Variants in DKK3 observed in about 807,000 individuals in gnomAD.
DKK3 encodes dickkopf-related protein 3.
Under a neutral mutation model 33.2 loss-of-function variants are expected in DKK3, and 22 were observed. That is an observed-to-expected ratio of 0.66 (90% CI 0.47 to 0.95). DKK3 has a LOEUF of 0.95. Among genes scored for constraint, DKK3 ranks in the 40% least tolerant of loss-of-function variants. The pLI is 0.00. For synonymous variants in DKK3, 194 were observed against 188.8 expected, an observed-to-expected ratio of 1.03 and a Z score of -0.23; for missense variants, 398 against 458.4, an observed-to-expected ratio of 0.87 and a Z score of 1.20.
At chr11:11,982,213 G>T (rs76731316) in intron 3 of DKK3, among the ~76,000 whole-genome samples, 1 of 152,134 alleles carries the variant, frequency 6.6e-6, no homozygotes, top group Admixed American at 6.6e-5. Context: ...TGTCAGGGGC[G>T]TGGGGACAGT....
At chr11:11,994,155 C>T (rs1272681945) in intron 3 of DKK3, among the ~76,000 whole-genome samples, 2 of 152,102 alleles carry the variant, frequency 1.3e-5, no homozygotes, top group South Asian at 2.1e-4. Flanking sequence ...TTTCGCATCT[C>T]CCCCCAGTCT....
intron 3 of DKK3, among the ~76,000 whole-genome samples, chr11:11,984,344 C>G (rs1590526144): frequency 6.6e-6 from 1 of 152,316 alleles, no homozygotes; most frequent in African/African-American, 2.4e-5. Flanking sequence ...CTCTTCATCT[C>G]TAAGTGCTGA....
At chr11:11,982,279 TA>T (rs1332493235) in intron 3 of DKK3, among the ~76,000 whole-genome samples, 1 of 107,384 alleles carries the variant, frequency 9.3e-6, no homozygotes, top group Non-Finnish European at 2.2e-5. Context: ...CAAGCCCTCC[TA>T]GGGGAGATGA....
At chr11:11,997,557 A>G in intron 3 of DKK3, among the ~76,000 whole-genome samples, 1 of 152,018 alleles carries the variant, frequency 6.6e-6, no homozygotes, top group East Asian at 1.9e-4. Flanking sequence ...TTGTTACCTC[A>G]CTTGAAGATG....
chr11:11,993,227 C>A (rs1326631501), intron 3 of DKK3, among the ~76,000 whole-genome samples: 1 of 152,150 alleles, frequency 6.6e-6, no homozygotes, highest in African/African-American at 2.4e-5. Context: ...AGGGTCTCTG[C>A]AAGCTTAAAA....
chr11:11,966,218 C>T lies in DKK3; in HGVS notation c.674-253G>A, dbSNP rs147849020. On this transcript the variant is annotated intron_variant, in intron 5 of 6. Coordinates refer to ENST00000683431, the MANE Select transcript of DKK3 (RefSeq NM_001018057.2). ...TGCTGGATTTTGAGGGCCAGAAAGT[C>T]TGGAGAAATTAAGAGGGAGGCAAAG... Among the ~76,000 whole-genome samples, 16 of 152,248 alleles carry T rather than the reference C, an allele frequency of 1.1e-4. 1 individual carries two copies. Among genetic ancestry groups the T allele is most frequent in the Middle Eastern group, 3.4e-3 (1 of 294 alleles).
rs573566637 is a variant in DKK3, at chr11:11,991,303, A to G, written c.435+7393T>C. Among the ~76,000 whole-genome samples, 150 of 152,284 alleles carry G rather than the reference A, an allele frequency of 9.9e-4. 1 individual carries two copies. The highest frequency in any genetic ancestry group is 3.5e-3 in the African/African-American group (145 of 41,550). ...TGGATATTTGTCCTCTTTAAATCTC[A>G]TGTTGAAATTTGATCTCTAGTGTTG... On this transcript the variant is annotated intron_variant, in intron 3 of 6. Coordinates refer to ENST00000683431, the MANE Select transcript of DKK3 (RefSeq NM_001018057.2).
chr11:11,975,197 G>A (rs558898837), intron 3 of DKK3, among the ~76,000 whole-genome samples: 215 of 152,304 alleles, frequency 1.4e-3, no homozygotes, highest in Non-Finnish European at 2.1e-3. Flanking sequence ...CCCGATACAA[G>A]CCAGCAGCCC....
chr11:11,989,254 T>C (rs897162265), intron 3 of DKK3, among the ~76,000 whole-genome samples: 3 of 152,194 alleles, frequency 2.0e-5, no homozygotes, highest in Non-Finnish European at 4.4e-5. Flanking sequence ...AAAGAGATAT[T>C]TGCATACCTG....
rs533957897 is a variant in DKK3 at position 11,968,634 on chromosome 11, C to A, written c.436-147G>T. 4.9e-5 allele frequency: 31 copies of A among 631,352 alleles called. No homozygotes were observed. The South Asian group carries it at 6.7e-4, about 14-fold the overall frequency. The allele number at this position is 631,352 out of a possible 1,614,324, so 39.1% of individuals were successfully genotyped here. ...AGGAAAGGCCTCCAGACTCTAGTCGCTCCTGATCCCTGCCTGGCTGCACTG... is the reference window on the plus strand; with the variant it reads ...AGGAAAGGCCTCCAGACTCTAGTCGATCCTGATCCCTGCCTGGCTGCACTG... On this transcript the variant is annotated intron_variant, in intron 3 of 6. Transcript: ENST00000683431.
intron 2 of DKK3, 134 bp downstream of exon 2, chr11:12,002,166 T>C: frequency 9.8e-7 from 1 of 1,020,500 alleles, no homozygotes; most frequent in Middle Eastern, 2.2e-4. Flanking sequence ...CTTCTGGTTT[T>C]CAATCCGTAT....
chr11:11,994,124 A>G (rs1315030372), intron 3 of DKK3, among the ~76,000 whole-genome samples: 4 of 152,212 alleles, frequency 2.6e-5, no homozygotes, highest in East Asian at 3.9e-4. Flanking sequence ...CAGAGGAAAG[A>G]CGCCTGTGCC....
chr11:12,008,742 C>G (rs957847477), upstream of DKK3: 5 of 1,204,414 alleles, frequency 4.2e-6, no homozygotes, highest in Admixed American at 2.2e-4. This position sits in a 1 kb window ranked among gnomAD's most constrained non-coding sequence, Gnocchi z 4.6. Context: ...GGGAGGAAAC[C>G]GAGGCCCCTG....
At chr11:12,005,194 T>C (rs1848513188) in intron 1 of DKK3, among the ~76,000 whole-genome samples, 1 of 152,236 alleles carries the variant, frequency 6.6e-6, no homozygotes, top group Non-Finnish European at 1.5e-5. Context: ...ATAGTCTTTT[T>C]ATAAAACTTT....
At chr11:11,986,024 A>C (rs1848063476) in intron 3 of DKK3, among the ~76,000 whole-genome samples, 1 of 152,076 alleles carries the variant, frequency 6.6e-6, no homozygotes, top group African/African-American at 2.4e-5. Flanking sequence ...GGCTACTAGG[A>C]ATCTCCTGCT....
chr11:11,994,160 C>G (rs554910391), intron 3 of DKK3, among the ~76,000 whole-genome samples: 3 of 152,238 alleles, frequency 2.0e-5, no homozygotes, highest in East Asian at 3.9e-4. Context: ...CATCTCCCCC[C>G]AGTCTCATGC....
chr11:11,966,390 A>T (rs932015298), intron 5 of DKK3, among the ~76,000 whole-genome samples: 2 of 152,190 alleles, frequency 1.3e-5, no homozygotes, highest in Non-Finnish European at 2.9e-5. Flanking sequence ...GCCTCACAAG[A>T]CAGCCTAAGG....
rs143686743 is a variant in DKK3, at chr11:12,001,280, C to T, written c.351+1020G>A. 1.2e-3 allele frequency among the ~76,000 whole-genome samples: 179 copies of T among 152,312 alleles called. 1 individual carries two copies. Among genetic ancestry groups the T allele is most frequent in the African/African-American group, 4.2e-3 (173 of 41,566 alleles). On this transcript the variant is annotated intron_variant, in intron 2 of 6. Coordinates refer to ENST00000683431, the MANE Select transcript of DKK3 (RefSeq NM_001018057.2). ...TAAACTCATTCATTTACCTGGAGCT[C>T]ATACACTCTGTAGCTGATCCATCTA...
intron 6 of DKK3, 74 bp downstream of exon 6, chr11:11,965,735 C>T (rs1847573076): frequency 6.5e-7 from 1 of 1,540,748 alleles, no homozygotes; most frequent in Non-Finnish European, 8.7e-7. Context: ...AAACCTGCTC[C>T]TGCTCCTACG....
Sources: gnomAD v4.1 joint callset for allele counts (sites outside exome capture counted in the v4.1 genomes callset) on GRCh38, gnomAD v4.1.1 for gene constraint, Gnocchi (gnomAD v3.1) non-coding constraint, MANE v1.5 for transcripts, NCBI Gene and HGNC (gene_info 2026-07-23, HGNC 2026-07-21) for gene names.